Variants in RSPH4A observed in about 807,000 individuals in gnomAD.
The protein encoded by RSPH4A is radial spoke head component 4A.
RSPH4A carries 47 observed loss-of-function variants against 71.0 expected under a neutral mutation model. The observed-to-expected ratio is 0.66, with a 90% CI of 0.52 to 0.84. The LOEUF (loss-of-function observed/expected upper bound fraction) is 0.84, where lower values mean the gene tolerates loss of function less well. Ranked by LOEUF, RSPH4A falls within the 40% of genes least tolerant of loss-of-function variation. The pLI is 0.00. For missense variants in RSPH4A, 793 were observed against 855.2 expected (o/e 0.93, Z 0.91); for synonymous variants, 282 against 302.3 (o/e 0.93, Z 0.70).
rs897619640 is a variant in RSPH4A at position 116,628,053 on chromosome 6, C to T, written c.1346C>T (p.Pro449Leu). ...TGGGTGAAGTTACCACCAGTTATAC[C>T]TGCACAAATTGTTATTGCAAGAAAA... ...RPWVKLPPVI[P>L]AQIVIARKIK... Residue 449 changes from proline to leucine, a missense_variant, in exon 3 of 6, where the codon CCT becomes CTT. Pro to Leu is a moderately conservative substitution (Grantham distance 98). Transcript: ENST00000229554. 5 of 1,614,178 alleles carry T rather than the reference C, an allele frequency of 3.1e-6. No homozygotes were observed. The highest frequency in any genetic ancestry group is 4.2e-6 in the Non-Finnish European group (5 of 1,180,026).
chr6:116,629,730 C>G, intron 4 of RSPH4A, 28 bp downstream of exon 4: 1 of 1,582,024 alleles, frequency 6.3e-7, no homozygotes, highest in Non-Finnish European at 8.7e-7. Context: ...TTATCACACA[C>G]AGACACACAA....
In RSPH4A at chr6:116,617,202, G is replaced by A; in HGVS notation, c.579G>A (p.Gln193=). 6.2e-7 allele frequency: 1 copy of A among 1,614,202 alleles called. No homozygotes were observed. The change falls in exon 1 of 6, where the codon CAG becomes CAA. Residue 193 remains glutamine (Q), a synonymous_variant. Coordinates refer to ENST00000229554, the MANE Select transcript of RSPH4A (RefSeq NM_001010892.3). ...EEDSNSDYDL[Q]QPAPGGSEVA... ...ACTCAAACAGTGACTATGATTTACAGCAGCCGGCGCCTGGGGGCTCTGAAG... is the reference window on the plus strand; with the variant it reads ...ACTCAAACAGTGACTATGATTTACAACAGCCGGCGCCTGGGGGCTCTGAAG...
rs374708076 is a variant in RSPH4A at position 116,617,017 on chromosome 6, T to A, written c.394T>A (p.Ser132Thr). 3.7e-6 allele frequency: 6 copies of A among 1,614,056 alleles called. No individual in the cohort carries two copies. In the African/African-American group the frequency reaches 8.0e-5, roughly 22 times the overall value. Residue 132 changes from serine to threonine, a missense_variant, in exon 1 of 6, where the codon TCT becomes ACT. Coordinates refer to ENST00000229554, the MANE Select transcript of RSPH4A (RefSeq NM_001010892.3). ...TPYPDPLEQSSDKRESTPHHT... is the reference protein window; with the variant it reads ...TPYPDPLEQSTDKRESTPHHT... ...TTATCCTGATCCTTTGGAACAATCA[T>A]CTGATAAAAGAGAATCAACTCCTCA...
intron 1 of RSPH4A, among the ~76,000 whole-genome samples, chr6:116,622,033 T>A (rs1401263591): frequency 6.6e-6 from 1 of 152,192 alleles, no homozygotes; most frequent in Non-Finnish European, 1.5e-5. Context: ...AGTTGTGAAA[T>A]AAAAATCTAG....
intron 1 of RSPH4A, among the ~76,000 whole-genome samples, chr6:116,620,345 C>T (rs1057465745): frequency 6.6e-6 from 1 of 152,102 alleles, no homozygotes. Context: ...ATAATATTCA[C>T]TGTTATCCTC....
chr6:116,630,536 G>C lies in RSPH4A; in HGVS notation c.1900G>C (p.Ala634Pro). 1 of 1,560,024 alleles carries C rather than the reference G, an allele frequency of 6.4e-7. No individual in the cohort carries two copies. The highest frequency in any genetic ancestry group is 1.1e-5 in the South Asian group (1 of 89,980). The change falls in exon 5 of 6, where the codon GCC becomes CCC. Residue 634 changes from alanine to proline, a missense_variant. Transcript: ENST00000229554. ...LQSNLWPGAY[A>P]FSNGKKFENF... Reference sequence around the variant, plus strand: ...ATCCAACCTTTGGCCTGGAGCATATGCCTTCTCCAATGGCAAGTAAGTATC... The same window carrying C: ...ATCCAACCTTTGGCCTGGAGCATATCCCTTCTCCAATGGCAAGTAAGTATC...
At position 116,632,657 on chromosome 6, in the gene RSPH4A, C is replaced by G; in HGVS notation, c.*216C>G. The G allele has an allele frequency of 1.8e-6, 1 of 555,830 alleles. No individual in the cohort carries two copies. The highest frequency in any genetic ancestry group is 2.0e-5 in the South Asian group (1 of 49,244). The allele number at this position is 555,830 out of a possible 1,614,324, so 34.4% of individuals were successfully genotyped here. A position where few individuals can be genotyped will look rare whatever the true frequency, so the allele number is the denominator to read the frequency against. ...AGATACTCACAGGATTTTCCAGAGG[C>G]TAAATAACATGCAATTGCATAATTG... On this transcript the variant is annotated 3_prime_UTR_variant, in exon 6 of 6. Coordinates refer to ENST00000229554, the MANE Select transcript of RSPH4A (RefSeq NM_001010892.3).
rs765600281 is a variant in RSPH4A, at chr6:116,617,169, G to A, written c.546G>A (p.Gln182=). 2 of 1,614,206 alleles carry A rather than the reference G, an allele frequency of 1.2e-6. No individual in the cohort carries two copies. The highest frequency in any genetic ancestry group is 2.2e-5 in the South Asian group (2 of 91,082). ...AAGAGCTGAGATTTGACGTTTTTCA[G>A]GAGGAAGACTCAAACAGTGACTATG... ...KQKELRFDVF[Q]EEDSNSDYDL... The change falls in exon 1 of 6, where the codon CAG becomes CAA. Residue 182 remains glutamine, a synonymous_variant. Transcript: ENST00000229554.
At chr6:116,628,436 T>G (rs1775738534) in intron 3 of RSPH4A, 67 bp downstream of exon 3, 1 of 1,267,486 alleles carries the variant, frequency 7.9e-7, no homozygotes, top group Admixed American at 1.8e-5. Flanking sequence ...GTCACTATAA[T>G]GCACAAAGAC....
intron 5 of RSPH4A, 109 bp downstream of exon 5, chr6:116,630,661 TTTC>T: frequency 1.8e-6 from 1 of 563,808 alleles, no homozygotes. Flanking sequence ...TGGTTTTTTT[TTTC>T]GTGTTTTTTT....
chr6:116,629,841 C>T, intron 4 of RSPH4A, 139 bp downstream of exon 4: 1 of 785,138 alleles, frequency 1.3e-6, no homozygotes, highest in Non-Finnish European at 2.1e-6. Flanking sequence ...CATTCATGTT[C>T]TGGGATGATA....
At position 116,632,430 on chromosome 6, in the gene RSPH4A, GATT is replaced by G. The variant is rs1775821691; in HGVS notation, c.2143_2145del (p.Tyr715del). 1 of 1,612,456 alleles carries G rather than the reference GATT, an allele frequency of 6.2e-7. No homozygotes were observed. Among genetic ancestry groups the G allele is most frequent in the Admixed American group, 1.7e-5 (1 of 59,762 alleles). ...TGAGGAAGATGAAGATGAGGAAGAT[GATT>G]ATGACTAATAAACATAAAATTAGCC... is the stretch of plus-strand genomic sequence containing the variant. On this transcript the variant is annotated inframe_deletion, in exon 6 of 6. Coordinates refer to ENST00000229554, the MANE Select transcript of RSPH4A (RefSeq NM_001010892.3).
At position 116,627,787 on chromosome 6, in the gene RSPH4A, G is replaced by C. The variant is rs111375012; in HGVS notation, c.1080G>C (p.Leu360Phe). Residue 360 changes from leucine (L) to phenylalanine (F), a missense_variant, in exon 3 of 6, where the codon TTG becomes TTC. Transcript: ENST00000229554. ...IQRCRFWGKI[L>F]GLEMNYIVAE... The stretch of plus-strand genomic sequence containing the variant: ...GATGCCGCTTCTGGGGAAAGATCTT[G>C]GGTCTGGAAATGAATTATATTGTAG... 2.6e-4 allele frequency: 420 copies of C among 1,614,134 alleles called. 1 individual carries two copies. In the African/African-American group the frequency reaches 4.2e-3, roughly 16 times the overall value.
intron 1 of RSPH4A, among the ~76,000 whole-genome samples, chr6:116,621,477 G>A (rs536387480): frequency 6.6e-6 from 1 of 152,128 alleles, no homozygotes; most frequent in Non-Finnish European, 1.5e-5. Flanking sequence ...TATAATAAGA[G>A]AGGAGTTATA....
rs1221446542 is a variant in RSPH4A, at chr6:116,628,238, G to A, written c.1531G>A (p.Glu511Lys). 9.9e-6 allele frequency: 16 copies of A among 1,612,694 alleles called. No individual in the cohort carries two copies. Among genetic ancestry groups the A allele is most frequent in the African/African-American group, 1.3e-5 (1 of 74,878 alleles). The change falls in exon 3 of 6, where the codon GAG becomes AAG. Residue 511 changes from glutamate to lysine, a missense_variant. Coordinates refer to ENST00000229554, the MANE Select transcript of RSPH4A (RefSeq NM_001010892.3). ...TTATCAGTTTGGTGAAGAGGAAGGA[G>A]AGGAGGAGGAAGAGGCAGAAGGTGG... ...GFYQFGEEEG[E>K]EEEEAEGGRN... is the part of the protein sequence containing the mutation.
chr6:116,617,596 C>T (rs1003936566), intron 1 of RSPH4A, among the ~76,000 whole-genome samples: 4 of 151,208 alleles, frequency 2.6e-5, no homozygotes, highest in South Asian at 2.1e-4. Flanking sequence ...TATGGAATCT[C>T]GGGCTTGAAA....
chr6:116,628,511 C>CA, intron 3 of RSPH4A, 142 bp downstream of exon 3: 2 of 680,476 alleles, frequency 2.9e-6, no homozygotes, highest in South Asian at 1.9e-5. Context: ...AAAACACAGC[C>CA]AAAAATGCAG....
At chr6:116,617,444 C>T (rs1775530516) in intron 1 of RSPH4A, 135 bp downstream of exon 1, 1 of 660,582 alleles carries the variant, frequency 1.5e-6, no homozygotes, top group African/African-American at 1.8e-5. Context: ...GAGTTAATGA[C>T]ATAACTCTGG....
intron 1 of RSPH4A, among the ~76,000 whole-genome samples, chr6:116,620,303 G>A (rs931597698): frequency 6.6e-6 from 1 of 152,052 alleles, no homozygotes; most frequent in Admixed American, 6.6e-5. Flanking sequence ...ATTTCCAAAT[G>A]CTGTCTCTGA....
Sources: allele counts gnomAD v4.1 joint callset (sites outside exome capture counted in the v4.1 genomes callset), GRCh38; gene constraint gnomAD v4.1.1; transcripts MANE v1.5; gene names NCBI Gene and HGNC (gene_info 2026-07-23, HGNC 2026-07-21).